Variants in WIF1 observed in about 807,000 individuals in gnomAD.
The protein encoded by WIF1 is Wnt inhibitory factor 1.
WIF1 carries 35 observed loss-of-function variants against 53.5 expected under a neutral mutation model. The observed-to-expected ratio is 0.65, with a 90% CI of 0.50 to 0.87. The LOEUF is 0.87. WIF1 is among the 40% of genes least tolerant of loss of function. The pLI is 0.00. For missense variants in WIF1, 467 were observed against 476.8 expected, an observed-to-expected ratio of 0.98 and a Z score of 0.19; for synonymous variants, 171 against 170.4, an observed-to-expected ratio of 1.00 and a Z score of -0.03.
intron 6 of WIF1, among the ~76,000 whole-genome samples, chr12:65,065,512 G>A (rs761137348): frequency 6.6e-6 from 1 of 152,048 alleles, no homozygotes; most frequent in Non-Finnish European, 1.5e-5. Flanking sequence ...CATCATAAAA[G>A]AGTAAACAAC....
At chr12:65,060,413 A>G (rs1882594788) in intron 7 of WIF1, among the ~76,000 whole-genome samples, 3 of 152,258 alleles carry the variant, frequency 2.0e-5, no homozygotes, top group Non-Finnish European at 2.9e-5. Flanking sequence ...CACTGAAAAC[A>G]CTAGAATGAA....
intron 2 of WIF1, 43 bp from the exon 3 acceptor site, chr12:65,077,897 G>C (rs758266666): frequency 2.1e-6 from 3 of 1,454,488 alleles, no homozygotes; most frequent in Non-Finnish European, 2.9e-6. Flanking sequence ...GGAAACCAGA[G>C]AGGGAGAAGG....
chr12:65,067,970 G>T (rs1882713895), intron 4 of WIF1, among the ~76,000 whole-genome samples, 180 bp from the exon 5 acceptor site: 1 of 152,094 alleles, frequency 6.6e-6, no homozygotes, highest in South Asian at 2.1e-4. Flanking sequence ...TAAATCTGCT[G>T]CAGAGTAAGA....
Position 65,066,745 on chromosome 12 carries a change from G to C in WIF1, c.635-9C>G. The C allele has an allele frequency of 2.5e-6, 4 of 1,584,376 alleles. No individual in the cohort carries two copies. The highest frequency in any genetic ancestry group is 3.4e-6 in the Non-Finnish European group (4 of 1,166,002). On this transcript the variant is annotated splice_polypyrimidine_tract_variant and intron_variant, in intron 5 of 9. Transcript: ENST00000286574. ...TCGTGGGGTACAAAGGGCTTATAGG[G>C]AGAGAGAACCCTGATTAAGGCCAAA... is the stretch of plus-strand genomic sequence containing the variant.
intron 3 of WIF1, 137 bp from the exon 4 acceptor site, chr12:65,069,041 A>G (rs939348158): frequency 1.1e-6 from 1 of 904,946 alleles, no homozygotes; most frequent in South Asian, 1.8e-5. Context: ...TCTCCACTGG[A>G]GTAGGAACTG....
intron 2 of WIF1, among the ~76,000 whole-genome samples, chr12:65,089,457 A>C (rs543549910): frequency 6.6e-6 from 1 of 152,164 alleles, no homozygotes; most frequent in African/African-American, 2.4e-5. Flanking sequence ...ACCATCATCC[A>C]ATTTTTCTTC....
At chr12:65,075,812 A>G (rs1376215714) in intron 3 of WIF1, among the ~76,000 whole-genome samples, 3 of 152,150 alleles carry the variant, frequency 2.0e-5, no homozygotes, top group African/African-American at 7.2e-5. Context: ...CCCCAAAATA[A>G]AGTATAAATG....
chr12:65,117,779 C>T (rs1254677753), intron 2 of WIF1, among the ~76,000 whole-genome samples: 3 of 152,148 alleles, frequency 2.0e-5, no homozygotes, highest in Non-Finnish European at 1.5e-5. Flanking sequence ...GCCTAGATCC[C>T]TCGCATGTGC....
intron 2 of WIF1, among the ~76,000 whole-genome samples, chr12:65,116,399 T>A (rs1883510968): frequency 6.6e-6 from 1 of 151,940 alleles, no homozygotes. Flanking sequence ...ATGTAAGGGA[T>A]CTAGGTTATG....
intron 6 of WIF1, 106 bp from the exon 7 acceptor site, chr12:65,062,682 C>A: frequency 2.0e-6 from 2 of 982,708 alleles, no homozygotes; most frequent in Non-Finnish European, 3.0e-6. Context: ...TTGCTACTTG[C>A]CCATTTCCTG....
chr12:65,099,729 T>C (rs1214671401), intron 2 of WIF1, among the ~76,000 whole-genome samples: 1 of 152,180 alleles, frequency 6.6e-6, no homozygotes, highest in Non-Finnish European at 1.5e-5. Flanking sequence ...TTAGCAAGTT[T>C]ATTTGCCTTT....
intron 3 of WIF1, among the ~76,000 whole-genome samples, chr12:65,074,450 C>T (rs1257439821): frequency 1.3e-5 from 2 of 151,882 alleles, no homozygotes; most frequent in South Asian, 2.1e-4. Flanking sequence ...GTGTTATGTA[C>T]TTATTTTATT....
At chr12:65,072,095 T>G (rs1201307805) in intron 3 of WIF1, among the ~76,000 whole-genome samples, 1 of 152,166 alleles carries the variant, frequency 6.6e-6, no homozygotes, top group Non-Finnish European at 1.5e-5. Context: ...TTAAAAGTTT[T>G]CAAAGAATTT....
intron 2 of WIF1, among the ~76,000 whole-genome samples, chr12:65,084,375 C>A (rs1257631039): frequency 6.6e-6 from 1 of 152,150 alleles, no homozygotes; most frequent in Admixed American, 6.5e-5. Context: ...GTCTCCACAG[C>A]CTGGTTCCTT....
chr12:65,053,574 T>G (rs904257087), intron 9 of WIF1, among the ~76,000 whole-genome samples: 1 of 152,166 alleles, frequency 6.6e-6, no homozygotes, highest in Non-Finnish European at 1.5e-5. Flanking sequence ...CTGCCACGAT[T>G]GTAAGTTTCC....
chr12:65,064,171 C>T (rs1257544948), intron 6 of WIF1, among the ~76,000 whole-genome samples: 2 of 152,198 alleles, frequency 1.3e-5, no homozygotes, highest in East Asian at 1.9e-4. Flanking sequence ...GCCCATGCCC[C>T]GTGGGCACTG....
intron 2 of WIF1, among the ~76,000 whole-genome samples, chr12:65,111,756 G>A (rs1183521874): frequency 1.3e-5 from 2 of 152,134 alleles, no homozygotes; most frequent in Non-Finnish European, 2.9e-5. Context: ...TTACCCCCAA[G>A]GCATGATTTG....
intron 9 of WIF1, among the ~76,000 whole-genome samples, chr12:65,052,353 T>A (rs946942012): frequency 1.3e-4 from 20 of 152,216 alleles, no homozygotes; most frequent in Non-Finnish European, 2.2e-4. Context: ...TAGTAGCTTG[T>A]GGAGTGGTCA....
At chr12:65,074,406 G>T (rs1565752271) in intron 3 of WIF1, among the ~76,000 whole-genome samples, 1 of 151,152 alleles carries the variant, frequency 6.6e-6, no homozygotes. Flanking sequence ...TTATTAATCA[G>T]AAAAAAAGAA....
Sources: gnomAD v4.1 joint callset for allele counts (sites outside exome capture counted in the v4.1 genomes callset) on GRCh38, gnomAD v4.1.1 for gene constraint, MANE v1.5 for transcripts, NCBI Gene and HGNC (gene_info 2026-07-23, HGNC 2026-07-21) for gene names.